The following STRA6 variants were observed in gnomAD, a reference collection of about 807,000 sequenced individuals.
The protein encoded by STRA6 is signaling receptor and transporter of retinol STRA6, also known as receptor for retinol uptake STRA6.
Under a neutral mutation model 83.6 loss-of-function variants are expected in STRA6, and 48 were observed. The observed-to-expected ratio is 0.57, with a 90% CI of 0.46 to 0.73. The LOEUF (loss-of-function observed/expected upper bound fraction) is 0.73. Among genes scored for constraint, STRA6 ranks in the 30% least tolerant of loss-of-function variants. The pLI is 0.00. For missense variants in STRA6, 760 were observed against 838.8 expected, an observed-to-expected ratio of 0.91 and a Z score of 1.16; for synonymous variants, 353 against 362.3, an observed-to-expected ratio of 0.97 and a Z score of 0.29.
intron 2 of STRA6, 116 bp downstream of exon 2, chr15:74,202,039 T>C (rs531915801): frequency 7.7e-4 from 961 of 1,241,098 alleles, no homozygotes; most frequent in Admixed American, 1.1e-3. Flanking sequence ...AGCAAATGAG[T>C]GGCAGAGCCA....
chr15:74,194,003 T>G (rs1413036368), intron 7 of STRA6, 81 bp from the exon 8 acceptor site: 2 of 1,582,806 alleles, frequency 1.3e-6, no homozygotes, highest in East Asian at 4.6e-5. Flanking sequence ...CCTTCCCACC[T>G]CACACTGGGC....
intron 14 of STRA6, among the ~76,000 whole-genome samples, chr15:74,183,047 TG>T (rs2073071240): frequency 1.3e-5 from 2 of 152,184 alleles, no homozygotes; most frequent in Admixed American, 1.3e-4. Flanking sequence ...ACAAGGCCCT[TG>T]GATGTGCAAC....
At chr15:74,207,645 A>G (rs953540669), upstream of STRA6, 20 of 1,484,722 alleles carry the variant, frequency 1.3e-5, no homozygotes, top group Non-Finnish European at 1.8e-5. Context: ...AGCACGGAAG[A>G]GAACACGCAA....
At chr15:74,202,107 C>A in intron 2 of STRA6, 48 bp downstream of exon 2, 3 of 1,445,710 alleles carry the variant, frequency 2.1e-6, no homozygotes, top group South Asian at 3.5e-5. Context: ...TCTGCCATCA[C>A]CCCATTCTGA....
intron 3 of STRA6, 71 bp from the exon 4 acceptor site, chr15:74,197,494 G>A: frequency 7.5e-7 from 1 of 1,327,086 alleles, no homozygotes; most frequent in African/African-American, 1.5e-5. Context: ...TGAGGGCTTG[G>A]ACTCAGGCCC....
At chr15:74,195,932 C>T (rs2073792587) in intron 5 of STRA6, 76 bp downstream of exon 5, 2 of 1,596,550 alleles carry the variant, frequency 1.3e-6, no homozygotes, top group Admixed American at 3.4e-5. Context: ...TCTCCTTGAG[C>T]CAAGCTTAAA....
At chr15:74,183,766 T>C in intron 14 of STRA6, 90 bp downstream of exon 14, 2 of 1,607,702 alleles carry the variant, frequency 1.2e-6, no homozygotes, top group Non-Finnish European at 8.5e-7. Flanking sequence ...CTGAGGGCAG[T>C]ACTTGCTGAG....
At chr15:74,189,357 G>A (rs1454248840) in intron 11 of STRA6, 80 bp from the exon 12 acceptor site, 1 of 1,537,802 alleles carries the variant, frequency 6.5e-7, no homozygotes, top group Non-Finnish European at 8.8e-7. Flanking sequence ...GGAAGAAACT[G>A]GCAGCACACA....
At chr15:74,203,105 C>G (rs984091770), upstream of STRA6, 1 of 985,466 alleles carries the variant, frequency 1.0e-6, no homozygotes, top group African/African-American at 1.7e-5. Flanking sequence ...CCGAGTGAGA[C>G]GGACCGCTGG....
intron 1 of STRA6, among the ~76,000 whole-genome samples, chr15:74,208,246 G>C (rs2074307863): frequency 6.6e-6 from 1 of 152,138 alleles, no homozygotes; most frequent in Non-Finnish European, 1.5e-5. Context: ...CCCCATCAAG[G>C]GAGGCAATCA....
intron 8 of STRA6, among the ~76,000 whole-genome samples, chr15:74,193,213 C>A (rs865931021): frequency 1.3e-5 from 2 of 152,124 alleles, no homozygotes; most frequent in South Asian, 4.1e-4. Flanking sequence ...ATATAATGAA[C>A]AAAACAGACA....
Position 74,202,150 on chromosome 15 carries a change from CTT to C in STRA6, c.113+3_113+4del, listed in dbSNP as rs1555457882. ...CAGAGTGAGGTGGGGTGGTTCCACA[CTT>C]ACCCCTCTGGCTGGAGCTCCTCGCC... On this transcript the variant is annotated splice_donor_region_variant and intron_variant, in intron 2 of 18. Coordinates refer to ENST00000395105, the MANE Select transcript of STRA6 (RefSeq NM_022369.4). 1 of 1,499,768 alleles carries C rather than the reference CTT, an allele frequency of 6.7e-7. No homozygotes were observed. The highest frequency in any genetic ancestry group is 2.3e-5 in the East Asian group (1 of 43,180). The allele number at this position is 1,499,768 out of a possible 1,614,324, so 92.9% of individuals were successfully genotyped here.
chr15:74,207,783 T>G (rs1049436098), upstream of STRA6: 4 of 1,535,540 alleles, frequency 2.6e-6, no homozygotes, highest in African/African-American at 5.5e-5. Context: ...GGGTGTGCCC[T>G]CAGTGGCACA....
chr15:74,188,195 C>T lies in STRA6; in HGVS notation c.1090+920G>A, dbSNP rs564476762. On this transcript the variant is annotated intron_variant, in intron 12 of 18. Coordinates refer to ENST00000395105, the MANE Select transcript of STRA6 (RefSeq NM_022369.4). This position sits in a 1 kb window ranked among gnomAD's most constrained non-coding sequence, Gnocchi z 4.5. ...TCTGCCCACCCCCCACTCCCTGCCCCGCCATGACCAGCATGCCCAGGTCTG... is the reference window on the plus strand; with the variant it reads ...TCTGCCCACCCCCCACTCCCTGCCCTGCCATGACCAGCATGCCCAGGTCTG... Among the ~76,000 whole-genome samples the T allele has an allele frequency of 9.2e-5, 14 of 152,294 alleles. No homozygotes were observed. The highest frequency in any genetic ancestry group is 3.1e-4 in the African/African-American group (13 of 41,566).
At chr15:74,202,081 C>T in intron 2 of STRA6, 74 bp downstream of exon 2, 2 of 1,378,620 alleles carry the variant, frequency 1.5e-6, no homozygotes, top group Non-Finnish European at 1.9e-6. Context: ...GAGCTGCTCC[C>T]TGGCCAGTTG....
upstream of STRA6, among the ~76,000 whole-genome samples, chr15:74,211,763 C>T (rs559639731): frequency 6.6e-6 from 1 of 152,146 alleles, no homozygotes; most frequent in South Asian, 2.1e-4. Flanking sequence ...GTCCATCAGT[C>T]TCTCTGCCTG....
chr15:74,180,231 A>G lies in STRA6; in HGVS notation c.1853T>C (p.Leu618Pro). Reference protein sequence around the residue: ...PGEEDEGMQLLQTKDSMAKGA... With the variant: ...PGEEDEGMQLPQTKDSMAKGA... ...CTTGGCCATGGAGTCCTTTGTCTGT[A>G]GCAGCTGCATCCCTGAGAGAGACGG... Residue 618 changes from leucine (L) to proline (P), a missense_variant, in exon 19 of 19, where the codon CTA (leucine) becomes CCA (proline). Leu to Pro is a moderately conservative substitution (Grantham distance 98, BLOSUM62 -3). Coordinates refer to ENST00000395105, the MANE Select transcript of STRA6 (RefSeq NM_022369.4). The G allele has an allele frequency of 1.2e-6, 2 of 1,614,102 alleles. No homozygotes were observed. Among genetic ancestry groups the G allele is most frequent in the Non-Finnish European group, 1.7e-6 (2 of 1,180,014 alleles).
At position 74,193,909 on chromosome 15, in the gene STRA6, T is replaced by A. The variant is rs143818589; in HGVS notation, c.611A>T (p.Tyr204Phe). Residue 204 changes from tyrosine (Y) to phenylalanine (F), a missense_variant, in exon 8 of 19, where the codon TAC becomes TTC. Physicochemically the swap from Tyr to Phe is conservative, Grantham distance 22 (BLOSUM62 3). Transcript: ENST00000395105. Reference sequence around the variant, plus strand: ...GAGAGGCAGGGAGGCCAGCAGGGAGTAGTACTTGTAGATCTGGACAGACAA... The same window carrying A: ...GAGAGGCAGGGAGGCCAGCAGGGAGAAGTACTTGTAGATCTGGACAGACAA... ...CPQVPKIYKY[Y>F]SLLASLPLLL... The A allele has an allele frequency of 6.2e-7, 1 of 1,612,750 alleles. No individual in the cohort carries two copies. The highest frequency in any genetic ancestry group is 1.1e-5 in the South Asian group (1 of 91,022).
At chr15:74,209,534 G>C, upstream of STRA6, 1 of 1,186,438 alleles carries the variant, frequency 8.4e-7, no homozygotes, top group Non-Finnish European at 1.2e-6. Context: ...TGGAATTCCA[G>C]GTATGATCTA....
Sources: allele counts gnomAD v4.1 joint callset (sites outside exome capture counted in the v4.1 genomes callset), GRCh38; gene constraint gnomAD v4.1.1; non-coding constraint Gnocchi (gnomAD v3.1); transcripts MANE v1.5; gene names NCBI Gene and HGNC (gene_info 2026-07-23, HGNC 2026-07-21).